The following CSMD2 variants were observed in gnomAD, a reference collection of about 807,000 sequenced individuals.
CSMD2 encodes the protein CUB and sushi domain-containing protein 2.
In CSMD2, 130 loss-of-function variants were observed where a neutral mutation model predicts 398.5. The observed-to-expected ratio is 0.33, with a 90% confidence interval of 0.28 to 0.38. CSMD2 has a LOEUF of 0.38. Among genes scored for constraint, CSMD2 ranks in the 10% least tolerant of loss-of-function variants. The pLI is 1.00. For missense variants in CSMD2, 3,829 were observed against 4,764.9 expected, an observed-to-expected ratio of 0.80 and a Z score of 5.78; for synonymous variants, 1,828 against 1,908.5, an observed-to-expected ratio of 0.96 and a Z score of 1.10.
At chr1:33,603,954 C>T (rs1368172439) in intron 42 of CSMD2, among the ~76,000 whole-genome samples, 1 of 152,166 alleles carries the variant, frequency 6.6e-6, no homozygotes, top group Non-Finnish European at 1.5e-5. Context: ...ATAAAATCTG[C>T]AAGACTGGAG....
At chr1:34,022,554 C>A (rs1365715015) in intron 3 of CSMD2, among the ~76,000 whole-genome samples, 1 of 152,146 alleles carries the variant, frequency 6.6e-6, no homozygotes, top group South Asian at 2.1e-4. Flanking sequence ...TGCAGGGAGC[C>A]AAGAGGTAAT....
chr1:34,066,928 A>G (rs1222866465), intron 2 of CSMD2, among the ~76,000 whole-genome samples: 2 of 152,180 alleles, frequency 1.3e-5, no homozygotes, highest in African/African-American at 4.8e-5. Context: ...ATTCCTGGAA[A>G]TGATAGTGAA....
chr1:33,525,631 T>A (rs1295044259), intron 65 of CSMD2, among the ~76,000 whole-genome samples: 1 of 152,208 alleles, frequency 6.6e-6, no homozygotes, highest in Non-Finnish European at 1.5e-5. Context: ...ATCTACTGCA[T>A]GGCATAGTGA....
At chr1:33,552,378 A>G (rs1244303025) in intron 55 of CSMD2, among the ~76,000 whole-genome samples, 1 of 152,260 alleles carries the variant, frequency 6.6e-6, no homozygotes, top group Admixed American at 6.5e-5. Flanking sequence ...TAGAGTTCCT[A>G]TGTGACTTGG....
intron 28 of CSMD2, 145 bp from the exon 29 acceptor site, chr1:33,646,980 G>T: frequency 1.3e-6 from 1 of 757,854 alleles, no homozygotes; most frequent in Non-Finnish European, 2.1e-6. Flanking sequence ...ACTGGCTGGT[G>T]GGAAGGGAGA....
intron 3 of CSMD2, among the ~76,000 whole-genome samples, chr1:34,004,457 G>GT (rs34932774): frequency 1.3e-4 from 20 of 151,706 alleles, no homozygotes; most frequent in Admixed American, 5.9e-4. Flanking sequence ...AGTAATCAAG[G>GT]TTTTTTTTTG....
intron 5 of CSMD2, among the ~76,000 whole-genome samples, chr1:33,856,592 T>C (rs1290157725): frequency 6.6e-6 from 1 of 152,110 alleles, no homozygotes; most frequent in Non-Finnish European, 1.5e-5. Flanking sequence ...CCCACATCAG[T>C]GTGTGCCTGC....
chr1:33,707,026 C>T (rs1311630166), intron 22 of CSMD2, among the ~76,000 whole-genome samples: 1 of 152,170 alleles, frequency 6.6e-6, no homozygotes, highest in Non-Finnish European at 1.5e-5. Flanking sequence ...AAGACTCTCT[C>T]TGCTTATCTA....
At chr1:33,931,940 C>A (rs1162352866) in intron 4 of CSMD2, among the ~76,000 whole-genome samples, 1 of 152,078 alleles carries the variant, frequency 6.6e-6, no homozygotes, top group Admixed American at 6.5e-5. Flanking sequence ...TTCAGTGAGG[C>A]AAGTGAGAGA....
intron 13 of CSMD2, among the ~76,000 whole-genome samples, chr1:33,763,930 T>C (rs1252464125): frequency 6.6e-6 from 1 of 152,186 alleles, no homozygotes; most frequent in African/African-American, 2.4e-5. Flanking sequence ...GTCCAAGGAC[T>C]GGGCTTCTAT....
intron 49 of CSMD2, among the ~76,000 whole-genome samples, chr1:33,576,316 C>A (rs1045163348): frequency 2.0e-5 from 3 of 152,104 alleles, no homozygotes; most frequent in Non-Finnish European, 4.4e-5. Context: ...AGAGTCCAGG[C>A]GCGGTGGCTC....
chr1:34,040,988 G>A (rs924444347), intron 2 of CSMD2, among the ~76,000 whole-genome samples: 3 of 152,078 alleles, frequency 2.0e-5, no homozygotes, highest in African/African-American at 7.2e-5. Flanking sequence ...AGTTGTGCAT[G>A]GTGGTGCATG....
chr1:33,642,401 CAAAA>C (rs1193429518), intron 29 of CSMD2, among the ~76,000 whole-genome samples: 1 of 140,214 alleles, frequency 7.1e-6, no homozygotes, highest in East Asian at 2.1e-4. Flanking sequence ...AACAAACAAA[CAAAA>C]AAAGTCAGGA....
intron 56 of CSMD2, 120 bp downstream of exon 56, chr1:33,550,057 A>C: frequency 1.0e-6 from 1 of 975,360 alleles, no homozygotes; most frequent in Non-Finnish European, 1.6e-6. Flanking sequence ...GGGTAGATAT[A>C]AGGGTTCTGA....
rs111237033 is a variant in CSMD2 at position 33,546,914 on chromosome 1, A to G, written c.8918-695T>C. ...AGTTTCATTTTATCTTTAATTGACA[A>G]ATAATCATTGTACATATTTATGGGG... On this transcript the variant is annotated intron_variant, in intron 56 of 70. Transcript: ENST00000373381. Among the ~76,000 whole-genome samples the G allele has an allele frequency of 9.9e-3, 1,511 of 152,182 alleles. 29 individuals are homozygous for G. Among genetic ancestry groups the G allele is most frequent in the African/African-American group, 0.034 (1,414 of 41,498 alleles).
chr1:33,526,693 C>A (rs1654806328), intron 65 of CSMD2, among the ~76,000 whole-genome samples: 1 of 152,222 alleles, frequency 6.6e-6, no homozygotes, highest in Non-Finnish European at 1.5e-5. Flanking sequence ...TCGTTTCCTG[C>A]ATAATACACA....
rs759768200 is a variant in CSMD2, at chr1:33,537,578, G to A, written c.9663C>T (p.Ser3221=). The part of the protein sequence containing the change: ...PVFCGDPGVP[S]RGRREDRGFS... ...AGCCTCGGTCCTCTCTCCTCCCACG[G>A]GACGGGACACCAGGATCCCCGCAGA... Residue 3221 remains serine, a synonymous_variant, in exon 61 of 71, where the codon TCC becomes TCT. Coordinates refer to ENST00000373381, the MANE Select transcript of CSMD2 (RefSeq NM_001281956.2). This position sits in a 1 kb window ranked among gnomAD's most constrained non-coding sequence, Gnocchi z 4.6. 1.2e-6 allele frequency: 2 copies of A among 1,614,020 alleles called. No homozygotes were observed. The highest frequency in any genetic ancestry group is 1.7e-6 in the Non-Finnish European group (2 of 1,179,950).
rs527594792 is a variant in CSMD2, at chr1:33,583,854, C to T, written c.7052-24G>A. The stretch of plus-strand genomic sequence containing the variant: ...CACTTGGAGAAAGAAAGAGAAACAC[C>T]AAGTACGTGGGGGTGGAGATGGAAC... On this transcript the variant is annotated intron_variant, in intron 46 of 70. Coordinates refer to ENST00000373381, the MANE Select transcript of CSMD2 (RefSeq NM_001281956.2). 3.2e-5 allele frequency: 52 copies of T among 1,604,332 alleles called. No individual in the cohort carries two copies. In the South Asian group the frequency reaches 5.5e-4, roughly 17 times the overall value.
intron 12 of CSMD2, among the ~76,000 whole-genome samples, chr1:33,777,972 C>T (rs558038045): frequency 3.3e-5 from 5 of 152,298 alleles, no homozygotes; most frequent in African/African-American, 4.8e-5. Flanking sequence ...TGGAGGAAGA[C>T]GAGGATTTGC....
Sources: gnomAD v4.1 joint callset for allele counts (sites outside exome capture counted in the v4.1 genomes callset) on GRCh38, gnomAD v4.1.1 for gene constraint, Gnocchi (gnomAD v3.1) non-coding constraint, MANE v1.5 for transcripts, NCBI Gene and HGNC (gene_info 2026-07-23, HGNC 2026-07-21) for gene names.